Variants in MTAP observed in about 807,000 individuals in gnomAD.
The protein encoded by MTAP is methylthioadenosine phosphorylase.
In MTAP, 33 loss-of-function variants were observed where a neutral mutation model predicts 33.6. The observed-to-expected ratio is 0.98, with a 90% CI of 0.74 to 1.31. MTAP has a LOEUF of 1.31. MTAP is among the 40% of genes most tolerant of loss of function. MTAP has a pLI of 0.00. For synonymous variants in MTAP, 148 were observed against 125.7 expected, an observed-to-expected ratio of 1.18 and a Z score of -1.19; for missense variants, 367 against 360.0, an observed-to-expected ratio of 1.02 and a Z score of -0.16.
intron 1 of MTAP, chr9:21,811,670 G>T: frequency 1.9e-6 from 1 of 529,214 alleles, no homozygotes; most frequent in Non-Finnish European, 3.9e-6. Context: ...CTCAGCCGTG[G>T]CCTCCTGCTA....
intron 1 of MTAP, among the ~76,000 whole-genome samples, chr9:21,909,583 T>A (rs1818534715): frequency 6.6e-6 from 1 of 152,078 alleles, no homozygotes; most frequent in Non-Finnish European, 1.5e-5. Flanking sequence ...TGTTATGAAT[T>A]TGTTGTGTAA....
Position 21,862,278 on chromosome 9 carries a change from C to A in MTAP, c.*264C>A. The A allele has an allele frequency of 2.9e-6, 2 of 693,602 alleles. No homozygotes were observed. Among genetic ancestry groups the A allele is most frequent in the Non-Finnish European group, 4.0e-6 (2 of 502,094 alleles). 43.0% of individuals were successfully genotyped at this position (693,602 alleles called of 1,614,324 possible). On this transcript the variant is annotated 3_prime_UTR_variant, in exon 8 of 8. Transcript: ENST00000644715. ...TTTTAAGGGGGAAAAAAAAACCCAC[C>A]ATTCTCTTCTCCCCCTATTAAATTT... is the stretch of plus-strand genomic sequence containing the variant.
intron 1 of MTAP, among the ~76,000 whole-genome samples, chr9:21,904,979 G>A (rs1818451997): frequency 6.6e-6 from 1 of 152,130 alleles, no homozygotes; most frequent in Admixed American, 6.5e-5. Flanking sequence ...ACCTCTAGGG[G>A]GAGCATTTTT....
At chr9:21,933,122 G>A (rs1818989072), downstream of MTAP, 1 of 152,194 alleles carries the variant, frequency 6.6e-6, no homozygotes, top group Admixed American at 6.5e-5. Flanking sequence ...TATCCACACT[G>A]AGTGTAGGTA....
chr9:21,842,119 A>AG (rs1418434011), intron 5 of MTAP, among the ~76,000 whole-genome samples: 2 of 152,346 alleles, frequency 1.3e-5, no homozygotes, highest in African/African-American at 2.4e-5. Context: ...ACACACTTAG[A>AG]GAAATACAAA....
chr9:21,831,371 C>G (rs1563838398), intron 4 of MTAP, among the ~76,000 whole-genome samples: 2 of 152,136 alleles, frequency 1.3e-5, no homozygotes, highest in South Asian at 4.1e-4. Context: ...GGATCTTTCT[C>G]TGTTGCCCGG....
intron 1 of MTAP, among the ~76,000 whole-genome samples, chr9:21,805,225 T>G (rs1824180488): frequency 6.6e-6 from 1 of 152,128 alleles, no homozygotes; most frequent in Non-Finnish European, 1.5e-5. Context: ...GGATCTTAAA[T>G]TCATTCTCAA....
Position 21,863,461 on chromosome 9 carries a change from G to T in MTAP, c.*1447G>T, listed in dbSNP as rs1374054589. ...TCTCTACTAAAAATACAAAAAATTA[G>T]CTGGGCGTGGTGGTGGGCACCTGTA... On this transcript the variant is annotated 3_prime_UTR_variant, in exon 8 of 8. Transcript: ENST00000644715. 1.8e-6 allele frequency: 1 copy of T among 549,780 alleles called. No individual in the cohort carries two copies. The highest frequency in any genetic ancestry group is 2.3e-6 in the Non-Finnish European group (1 of 432,298). 34.1% of individuals were successfully genotyped at this position (549,780 alleles called of 1,614,324 possible).
intron 1 of MTAP, chr9:21,812,272 G>T: frequency 4.3e-6 from 1 of 230,278 alleles, no homozygotes; most frequent in South Asian, 7.7e-5. Context: ...GACACCAGGT[G>T]GTTCAAGTCA....
chr9:21,889,025 T>C (rs1480895299), intron 1 of MTAP, among the ~76,000 whole-genome samples: 1 of 151,952 alleles, frequency 6.6e-6, no homozygotes, highest in East Asian at 1.9e-4. Flanking sequence ...AATGTCTAGA[T>C]CTCTAGCAAA....
intron 5 of MTAP, among the ~76,000 whole-genome samples, chr9:21,838,407 T>C (rs1343072581): frequency 2.6e-5 from 4 of 152,232 alleles, no homozygotes; most frequent in African/African-American, 9.6e-5. Flanking sequence ...TCAGTTATCT[T>C]ACTTCTAAAA....
At chr9:21,896,293 C>A (rs4977744) in intron 1 of MTAP, among the ~76,000 whole-genome samples, 35,250 of 151,990 alleles carry the variant, frequency 0.23, 4,373 homozygotes, top group Admixed American at 0.36. Context: ...CAGGAAAGAT[C>A]TAAAATTGAC....
chr9:21,872,910 C>G (rs186321055), intron 1 of MTAP, among the ~76,000 whole-genome samples: 1 of 152,148 alleles, frequency 6.6e-6, no homozygotes, highest in South Asian at 2.1e-4. Flanking sequence ...ATCTGGTCCT[C>G]TCTAACAGTT....
At chr9:21,816,666 C>G (rs772395552) in intron 2 of MTAP, 48 bp from the exon 3 acceptor site, 1 of 1,520,998 alleles carries the variant, frequency 6.6e-7, no homozygotes, top group Non-Finnish European at 9.1e-7. Flanking sequence ...AATTTACATA[C>G]CTGTTTTTAA....
At chr9:21,931,411 T>C (rs1034769808), downstream of MTAP, 7 of 450,960 alleles carry the variant, frequency 1.6e-5, no homozygotes, top group Admixed American at 1.9e-4. Flanking sequence ...GATCATCAGG[T>C]GGTTGTTAAA....
At chr9:21,815,628 C>T in intron 2 of MTAP, 109 bp downstream of exon 2, 1 of 814,264 alleles carries the variant, frequency 1.2e-6, no homozygotes, top group East Asian at 2.8e-5. Flanking sequence ...TTTGGCAGCC[C>T]AGGGCTGTCT....
At chr9:21,887,272 C>A (rs749501810) in intron 1 of MTAP, among the ~76,000 whole-genome samples, 2 of 152,012 alleles carry the variant, frequency 1.3e-5, no homozygotes, top group African/African-American at 2.4e-5. Flanking sequence ...TCCCCCCACC[C>A]CATAATAGGC....
intron 6 of MTAP, chr9:21,856,294 G>C (rs552581166): frequency 4.1e-6 from 2 of 486,368 alleles, no homozygotes; most frequent in East Asian, 3.1e-4. Flanking sequence ...TATCTAATGT[G>C]TACAGTGTTT....
rs142551156 is a variant in MTAP, at chr9:21,851,658, G to A, written c.451-2973G>A. ...TGAGTGTTAACTTGATTGGATTGAA[G>A]GATACAAAGTATTGATCCTGGGTGT... On this transcript the variant is annotated intron_variant, in intron 5 of 7. Transcript: ENST00000644715. Among the ~76,000 whole-genome samples the A allele has an allele frequency of 5.1e-3, 770 of 152,242 alleles. 2 individuals are homozygous for A. The highest frequency in any genetic ancestry group is 0.018 in the African/African-American group (730 of 41,542).
Sources: gnomAD v4.1 joint callset for allele counts (sites outside exome capture counted in the v4.1 genomes callset) on GRCh38, gnomAD v4.1.1 for gene constraint, MANE v1.5 for transcripts, NCBI Gene and HGNC (gene_info 2026-07-23, HGNC 2026-07-21) for gene names.